STK10: variants seen among roughly 807,000 people sequenced by gnomAD.
STK10 encodes serine/threonine kinase 10.
STK10 carries 78 observed loss-of-function variants against 113.8 expected under a neutral mutation model. That is an observed-to-expected ratio of 0.69 (90% CI 0.57 to 0.83). STK10 has a LOEUF of 0.83. Among genes scored for constraint, STK10 ranks in the 40% least tolerant of loss-of-function variants. The pLI is 0.00. For synonymous variants in STK10, 465 were observed against 494.7 expected (o/e 0.94, Z 0.80); for missense variants, 1,109 against 1,280.1 (o/e 0.87, Z 2.04).
intron 14 of STK10, among the ~76,000 whole-genome samples, chr5:172,059,148 C>G (rs916598888): frequency 1.3e-4 from 20 of 151,830 alleles, no homozygotes; most frequent in African/African-American, 4.1e-4. Context: ...GAGAATGGCG[C>G]AGTGGCTCAC....
chr5:172,120,615 C>G lies in STK10; in HGVS notation c.371-2985G>C, dbSNP rs1448961049. Reference sequence around the variant, plus strand: ...CTGGCAAGTCGCCCAAGCTCTCTGGCCCTTCATTTCCTGGTCTGTGAAATG... The same window carrying G: ...CTGGCAAGTCGCCCAAGCTCTCTGGGCCTTCATTTCCTGGTCTGTGAAATG... On this transcript the variant is annotated intron_variant, in intron 3 of 18. Transcript: ENST00000176763. This position sits in a 1 kb window ranked among gnomAD's most constrained non-coding sequence, Gnocchi z 4.0. Among the ~76,000 whole-genome samples the G allele has an allele frequency of 3.3e-5, 5 of 152,178 alleles. No individual in the cohort carries two copies. The highest frequency in any genetic ancestry group is 1.2e-4 in the African/African-American group (5 of 41,448).
rs533788367 is a variant in STK10 at position 172,140,758 on chromosome 5, C to A, written c.322-13337G>T. Among the ~76,000 whole-genome samples, 136 of 152,154 alleles carry A rather than the reference C, an allele frequency of 8.9e-4. No individual in the cohort carries two copies. The Middle Eastern group carries it at 0.01, about 11-fold the overall frequency. The stretch of plus-strand genomic sequence containing the variant: ...ACTACTATATGATCCAGCAATCCCA[C>A]TTCTGGGTATTTATCCAAAAGCATT... On this transcript the variant is annotated intron_variant, in intron 2 of 18. Coordinates refer to ENST00000176763, the MANE Select transcript of STK10 (RefSeq NM_005990.4).
At chr5:172,105,401 T>C (rs369051533) in intron 7 of STK10, among the ~76,000 whole-genome samples, 1 of 151,994 alleles carries the variant, frequency 6.6e-6, no homozygotes, top group Non-Finnish European at 1.5e-5. Context: ...CACGCACACA[T>C]ACTTGCTTAT....
rs1011119947 is a variant in STK10, at chr5:172,138,907, G to A, written c.322-11486C>T. 7.2e-5 allele frequency among the ~76,000 whole-genome samples: 11 copies of A among 152,124 alleles called. No individual in the cohort carries two copies. The South Asian group carries it at 1.5e-3, about 20-fold the overall frequency. ...CGGGTGCCTGTAGTCCCAGCTACTC[G>A]GGAGGCTGAGGCAGGAGAATGGTGT... On this transcript the variant is annotated intron_variant, in intron 2 of 18. Coordinates refer to ENST00000176763, the MANE Select transcript of STK10 (RefSeq NM_005990.4).
Position 172,048,414 on chromosome 5 carries a change from TAC to T in STK10, c.2767-3394_2767-3393del, listed in dbSNP as rs370301917. 5.4e-3 allele frequency among the ~76,000 whole-genome samples: 691 copies of T among 128,324 alleles called. 10 individuals carry two copies. Among genetic ancestry groups the T allele is most frequent in the African/African-American group, 9.3e-3 (300 of 32,242 alleles). 84.2% of individuals were successfully genotyped at this position (128,324 alleles called of 152,430 possible). A position where few individuals can be genotyped will look rare whatever the true frequency, so the allele number is the denominator to read the frequency against. ...AAATCAATTTCCCTCTCCCTCTCCC[TAC>T]ACACACACACACACACACACACACA... On this transcript the variant is annotated intron_variant, in intron 18 of 18. Coordinates refer to ENST00000176763, the MANE Select transcript of STK10 (RefSeq NM_005990.4).
At chr5:172,170,954 G>C (rs571440808) in intron 1 of STK10, among the ~76,000 whole-genome samples, 1 of 152,324 alleles carries the variant, frequency 6.6e-6, no homozygotes, top group African/African-American at 2.4e-5. Flanking sequence ...AAGTGAGGAA[G>C]GAAGCACTTT....
chr5:172,140,875 C>T (rs1581175069), intron 2 of STK10, among the ~76,000 whole-genome samples: 1 of 152,052 alleles, frequency 6.6e-6, no homozygotes, highest in Non-Finnish European at 1.5e-5. Flanking sequence ...TAAATGTCCA[C>T]CAAGAGATGA....
intron 1 of STK10, among the ~76,000 whole-genome samples, chr5:172,179,540 C>T (rs971731315): frequency 1.3e-5 from 2 of 152,180 alleles, no homozygotes; most frequent in African/African-American, 2.4e-5. Flanking sequence ...AGCTTGCTTT[C>T]GCATCAGCCA....
chr5:172,137,811 T>C (rs987900060), intron 2 of STK10, among the ~76,000 whole-genome samples: 7 of 142,112 alleles, frequency 4.9e-5, no homozygotes, highest in Admixed American at 4.4e-4. Flanking sequence ...GAGAATGGCA[T>C]GAACCTGGAG....
intron 2 of STK10, among the ~76,000 whole-genome samples, chr5:172,129,872 T>A (rs1030409738): frequency 3.9e-5 from 6 of 152,200 alleles, no homozygotes; most frequent in Non-Finnish European, 8.8e-5. Flanking sequence ...ATGGGAATGA[T>A]AAGCTCATCC....
intron 2 of STK10, among the ~76,000 whole-genome samples, chr5:172,153,657 T>G (rs1047455181): frequency 6.6e-6 from 1 of 152,232 alleles, no homozygotes; most frequent in Non-Finnish European, 1.5e-5. Context: ...AGAACTGGTT[T>G]TGTCAAAGAT....
chr5:172,140,950 C>T (rs981267024), intron 2 of STK10, among the ~76,000 whole-genome samples: 4 of 151,974 alleles, frequency 2.6e-5, no homozygotes, highest in South Asian at 2.1e-4. Flanking sequence ...AAGGAAATTC[C>T]GCAAAGTGAG....
chr5:172,099,034 TTCACCACCA>T (rs776164126), intron 7 of STK10, among the ~76,000 whole-genome samples: 58 of 136,884 alleles, frequency 4.2e-4, no homozygotes, highest in Non-Finnish European at 8.0e-4. Context: ...CACCATCACC[TTCACCACCA>T]TCACCACCAT....
chr5:172,183,015 T>C (rs1176140226), intron 1 of STK10, among the ~76,000 whole-genome samples: 1 of 152,048 alleles, frequency 6.6e-6, no homozygotes, highest in Non-Finnish European at 1.5e-5. Flanking sequence ...AAGACCAACC[T>C]GGACAATATA....
At chr5:172,079,568 TA>T (rs561655694) in intron 12 of STK10, among the ~76,000 whole-genome samples, 1,781 of 144,468 alleles carry the variant, frequency 0.012, 38 homozygotes, top group African/African-American at 0.046. Context: ...TTTATTTATT[TA>T]TTTATTTTTG....
intron 1 of STK10, among the ~76,000 whole-genome samples, chr5:172,182,407 G>T (rs1262211212): frequency 6.6e-6 from 1 of 151,896 alleles, no homozygotes; most frequent in Non-Finnish European, 1.5e-5. Flanking sequence ...GGGTCTCAGG[G>T]TCTCATTCTG....
At chr5:172,149,118 G>A (rs560471282) in intron 2 of STK10, among the ~76,000 whole-genome samples, 19 of 152,302 alleles carry the variant, frequency 1.2e-4, no homozygotes, top group Non-Finnish European at 2.4e-4. Context: ...AGTGAGTTGA[G>A]ATCATGCCAC....
At chr5:172,165,264 C>T (rs900149679) in intron 1 of STK10, among the ~76,000 whole-genome samples, 1 of 152,292 alleles carries the variant, frequency 6.6e-6, no homozygotes, top group South Asian at 2.1e-4. Flanking sequence ...AAACATTAGC[C>T]ACCCCTCCTT....
intron 18 of STK10, among the ~76,000 whole-genome samples, chr5:172,048,278 A>G (rs1035196023): frequency 1.4e-4 from 22 of 152,268 alleles, no homozygotes; most frequent in Non-Finnish European, 2.8e-4. Context: ...GAGAGAAGGA[A>G]TTCTGCCTCT....
Sources: allele counts gnomAD v4.1 joint callset (sites outside exome capture counted in the v4.1 genomes callset), GRCh38; gene constraint gnomAD v4.1.1; non-coding constraint Gnocchi (gnomAD v3.1); transcripts MANE v1.5; gene names NCBI Gene and HGNC (gene_info 2026-07-23, HGNC 2026-07-21).